The following ZNF26 variants were observed in gnomAD, a reference collection of about 807,000 sequenced individuals.
ZNF26 encodes the protein epididymis luminal protein 179.
Under a neutral mutation model 54.9 loss-of-function variants are expected in ZNF26, and 32 were observed. The observed-to-expected ratio is 0.58, with a 90% CI of 0.44 to 0.78. The LOEUF is 0.78. Ranked by LOEUF, ZNF26 falls within the 30% of genes least tolerant of loss-of-function variation. The pLI, the probability that ZNF26 is intolerant of heterozygous loss-of-function variation, is 0.00. For synonymous variants in ZNF26, 221 were observed against 209.2 expected (o/e 1.06, Z -0.49); for missense variants, 524 against 634.0 (o/e 0.83, Z 1.86).
At position 133,001,817 on chromosome 12, in the gene ZNF26, CTT is replaced by C. The variant is rs2137239263; in HGVS notation, c.34-5223_34-5222del. 1.5e-6 allele frequency: 1 copy of C among 681,284 alleles called. No homozygotes were observed. The highest frequency in any genetic ancestry group is 1.5e-5 in the South Asian group (1 of 65,266). The allele number at this position is 681,284 out of a possible 1,614,324, so 42.2% of individuals were successfully genotyped here. A position where few individuals can be genotyped will look rare whatever the true frequency, so the allele number is the denominator to read the frequency against. On this transcript the variant is annotated intron_variant, in intron 1 of 3. Transcript: ENST00000328654. The surrounding 1 kb of genome is among the most constrained non-coding windows in gnomAD (Gnocchi z 4.7). ...TGCCTTTTGAGAGTCCCGCGGCAGT[CTT>C]TGCCTTCAGAATTTTTCAGAGGAAA... is the stretch of plus-strand genomic sequence containing the variant.
At chr12:132,997,399 T>G (rs1378102694) in intron 1 of ZNF26, among the ~76,000 whole-genome samples, 4 of 151,938 alleles carry the variant, frequency 2.6e-5, no homozygotes, top group Non-Finnish European at 5.9e-5. Flanking sequence ...GCTTCCAAGA[T>G]GGAGTCCAGA....
chr12:133,010,287 A>G lies in ZNF26; in HGVS notation c.408A>G (p.Thr136=). The G allele has an allele frequency of 1.9e-6, 3 of 1,614,084 alleles. No individual in the cohort carries two copies. Among genetic ancestry groups the G allele is most frequent in the Non-Finnish European group, 2.5e-6 (3 of 1,180,024 alleles). ...RLYNTRGKSL[T]QNSAPSRSYL... ...ATAACACACGTGGAAAAAGTTTGAC[A>G]CAAAACTCAGCTCCAAGCAGAAGTT... Residue 136 remains threonine (T), a synonymous_variant, in exon 4 of 4, where the codon ACA becomes ACG. Coordinates refer to ENST00000328654, the MANE Select transcript of ZNF26 (RefSeq NM_019591.4).
intron 1 of ZNF26, among the ~76,000 whole-genome samples, chr12:133,003,068 C>T (rs1446811661): frequency 1.3e-5 from 2 of 152,214 alleles, no homozygotes; most frequent in Non-Finnish European, 2.9e-5. Context: ...GTTCACACCT[C>T]ATTCTCATCA....
Position 133,010,302 on chromosome 12 carries a change from A to C in ZNF26, c.423A>C (p.Pro141=). 1 of 1,614,026 alleles carries C rather than the reference A, an allele frequency of 6.2e-7. No individual in the cohort carries two copies. Among genetic ancestry groups the C allele is most frequent in the Non-Finnish European group, 8.5e-7 (1 of 1,179,986 alleles). ...RGKSLTQNSA[P]SRSYLRKNPD... ...AAAGTTTGACACAAAACTCAGCTCC[A>C]AGCAGAAGTTATTTAAGAAAGAATC... The change falls in exon 4 of 4, where the codon CCA becomes CCC. Residue 141 remains proline (P), a synonymous_variant. Transcript: ENST00000328654.
In ZNF26 at chr12:133,019,361, A is replaced by C. The variant is rs1953609025; in HGVS notation, c.*7880A>C. 3 of 1,264 alleles carry C rather than the reference A, an allele frequency of 2.4e-3. No individual in the cohort carries two copies. Among genetic ancestry groups the C allele is most frequent in the Middle Eastern group, 0.5 (1 of 2 alleles). The allele number at this position is 1,264 out of a possible 1,614,324, so 0.1% of individuals were successfully genotyped here. ...ATAGCAAAAACAAAGAAAAATAACA[A>C]AAAAAAAACCCCAAACTCCAGATAT... On this transcript the variant is annotated 3_prime_UTR_variant, in exon 4 of 4. Transcript: ENST00000328654.
intron 1 of ZNF26, among the ~76,000 whole-genome samples, chr12:132,988,057 G>T (rs1184432366): frequency 1.3e-5 from 2 of 152,184 alleles, no homozygotes; most frequent in Non-Finnish European, 2.9e-5. Context: ...CGCCCAGGCT[G>T]GAGTGCAGTG....
At chr12:132,989,714 G>A (rs1375919056) in intron 1 of ZNF26, among the ~76,000 whole-genome samples, 4 of 152,166 alleles carry the variant, frequency 2.6e-5, no homozygotes, top group African/African-American at 9.7e-5. Flanking sequence ...TAGATTTCAG[G>A]TTTTTGGAAC....
At chr12:132,995,840 C>T (rs1311623895) in intron 1 of ZNF26, among the ~76,000 whole-genome samples, 7 of 152,084 alleles carry the variant, frequency 4.6e-5, no homozygotes, top group East Asian at 1.9e-4. Flanking sequence ...TTAGTAGAGA[C>T]GGGATTTCAC....
At chr12:132,999,400 G>T (rs1251258421) in intron 1 of ZNF26, among the ~76,000 whole-genome samples, 1 of 150,962 alleles carries the variant, frequency 6.6e-6, no homozygotes, top group Non-Finnish European at 1.5e-5. Flanking sequence ...GGATACAGGC[G>T]CCCACCACCA....
At position 133,017,609 on chromosome 12, in the gene ZNF26, A is replaced by C. The variant is rs1463751639; in HGVS notation, c.*6128A>C. ...GAGCAACAGTCTGAGGAATGACCCC[A>C]GGCAGTAATTTGTTTCCACAGAAAA... On this transcript the variant is annotated 3_prime_UTR_variant, in exon 4 of 4. Coordinates refer to ENST00000328654, the MANE Select transcript of ZNF26 (RefSeq NM_019591.4). The C allele has an allele frequency of 6.6e-6, 1 of 152,246 alleles. No homozygotes were observed. The highest frequency in any genetic ancestry group is 2.4e-5 in the African/African-American group (1 of 41,464). 9.4% of individuals were successfully genotyped at this position (152,246 alleles called of 1,614,324 possible).
At chr12:132,996,316 C>T (rs1953082034) in intron 1 of ZNF26, among the ~76,000 whole-genome samples, 4 of 152,204 alleles carry the variant, frequency 2.6e-5, no homozygotes. Context: ...GCCCTTCCTT[C>T]ACTGTTCTCA....
At position 133,012,275 on chromosome 12, in the gene ZNF26, G is replaced by A. The variant is rs1953494182; in HGVS notation, c.*794G>A. On this transcript the variant is annotated 3_prime_UTR_variant, in exon 4 of 4. Transcript: ENST00000328654. The stretch of plus-strand genomic sequence containing the variant: ...TCTGGAGAAATACCTCCCCTCTCTG[G>A]GGTGCTTCCTGTGGTAGTGTCTTTC... 6.6e-6 allele frequency: 1 copy of A among 152,044 alleles called. No homozygotes were observed. Among genetic ancestry groups the A allele is most frequent in the African/African-American group, 2.4e-5 (1 of 41,390 alleles). 9.4% of individuals were successfully genotyped at this position (152,044 alleles called of 1,614,324 possible). A position where few individuals can be genotyped will look rare whatever the true frequency, so the allele number is the denominator to read the frequency against.
chr12:132,987,683 G>T, intron 1 of ZNF26: 1 of 985,082 alleles, frequency 1.0e-6, no homozygotes, highest in Non-Finnish European at 1.2e-6. Context: ...TCACATGGGA[G>T]GTCTAAACTG....
In ZNF26 at chr12:133,015,825, G is replaced by T. The variant is rs1953558451; in HGVS notation, c.*4344G>T. ...CAAAAGGAACTCTTGACCTGAGACA[G>T]TTGGAAATATTACTTCTACTGGCAA... is the stretch of plus-strand genomic sequence containing the variant. On this transcript the variant is annotated 3_prime_UTR_variant, in exon 4 of 4. Coordinates refer to ENST00000328654, the MANE Select transcript of ZNF26 (RefSeq NM_019591.4). The T allele has an allele frequency of 6.6e-6, 1 of 152,222 alleles. No individual in the cohort carries two copies. Among genetic ancestry groups the T allele is most frequent in the African/African-American group, 2.4e-5 (1 of 41,466 alleles). 9.4% of individuals were successfully genotyped at this position (152,222 alleles called of 1,614,324 possible).
chr12:132,986,734 C>CT lies in ZNF26; in HGVS notation c.-106dup, dbSNP rs1247080600. 4 of 1,296,456 alleles carry CT rather than the reference C, an allele frequency of 3.1e-6. No individual in the cohort carries two copies. Among genetic ancestry groups the CT allele is most frequent in the Non-Finnish European group, 4.3e-6 (4 of 934,466 alleles). The allele number at this position is 1,296,456 out of a possible 1,614,324, so 80.3% of individuals were successfully genotyped here. On this transcript the variant is annotated 5_prime_UTR_variant, in exon 1 of 4. Transcript: ENST00000328654. ...ACTCGGCCCCGGGACGGTCAGGAGC[C>CT]TGGGGCCCTGGTCCCGCACCTGTCT...
At position 132,986,648 on chromosome 12, in the gene ZNF26, T is replaced by G; in HGVS notation, c.-193T>G. On this transcript the variant is annotated 5_prime_UTR_variant, in exon 1 of 4. Transcript: ENST00000328654. ...GACTCCTGGTACCCAGACCGGGAGG[T>G]TGTCTAGTCACGCGCGGTCTGTGTT... 6.7e-6 allele frequency: 4 copies of G among 597,916 alleles called. No homozygotes were observed. The highest frequency in any genetic ancestry group is 2.0e-5 in the South Asian group (1 of 50,096). 37.0% of individuals were successfully genotyped at this position (597,916 alleles called of 1,614,324 possible).
At position 133,012,577 on chromosome 12, in the gene ZNF26, G is replaced by GT. The variant is rs1953501276; in HGVS notation, c.*1096_*1097insT. 1 of 66,916 alleles carries GT rather than the reference G, an allele frequency of 1.5e-5. No homozygotes were observed. Among genetic ancestry groups the GT allele is most frequent in the Non-Finnish European group, 3.4e-5 (1 of 29,292 alleles). 4.1% of individuals were successfully genotyped at this position (66,916 alleles called of 1,614,324 possible). On this transcript the variant is annotated 3_prime_UTR_variant, in exon 4 of 4. Transcript: ENST00000328654. Reference sequence around the variant, plus strand: ...AATGTCTTTTGCTTTTTGTTGTTTGGGTTTTTTTTTTTTTTTTTTTTTTTT... The same window carrying GT: ...AATGTCTTTTGCTTTTTGTTGTTTGGTGTTTTTTTTTTTTTTTTTTTTTTTT...
chr12:132,992,212 T>A (rs937083278), intron 1 of ZNF26, among the ~76,000 whole-genome samples: 22 of 152,204 alleles, frequency 1.4e-4, no homozygotes, highest in African/African-American at 5.3e-4. Context: ...TTAAGGCAAG[T>A]TTACTTGAAA....
At chr12:133,003,806 G>A (rs1364758218) in intron 1 of ZNF26, among the ~76,000 whole-genome samples, 1 of 152,188 alleles carries the variant, frequency 6.6e-6, no homozygotes, top group Non-Finnish European at 1.5e-5. Flanking sequence ...CCCGAGTATT[G>A]ATGAGCCAGG....
Sources: allele counts gnomAD v4.1 joint callset (sites outside exome capture counted in the v4.1 genomes callset), GRCh38; gene constraint gnomAD v4.1.1; non-coding constraint Gnocchi (gnomAD v3.1); transcripts MANE v1.5; gene names NCBI Gene and HGNC (gene_info 2026-07-23, HGNC 2026-07-21).